IFNAR1: variants seen among roughly 807,000 people sequenced by gnomAD.
The protein encoded by IFNAR1 is interferon alpha and beta receptor subunit 1, also known as interferon alpha/beta receptor 1.
In IFNAR1, 47 loss-of-function variants were observed where a neutral mutation model predicts 62.1. That is an observed-to-expected ratio of 0.76 (90% CI 0.60 to 0.97). The LOEUF (loss-of-function observed/expected upper bound fraction) is 0.97. Among genes scored for constraint, IFNAR1 ranks in the 50% least tolerant of loss-of-function variants. The pLI is 0.00. For missense variants in IFNAR1, 638 were observed against 654.5 expected, an observed-to-expected ratio of 0.97 and a Z score of 0.27; for synonymous variants, 219 against 226.9, an observed-to-expected ratio of 0.97 and a Z score of 0.31.
rs1233724873 is a variant in IFNAR1 at position 33,357,240 on chromosome 21, C to T, written c.*1691C>T. On this transcript the variant is annotated 3_prime_UTR_variant, in exon 11 of 11. Coordinates refer to ENST00000270139, the MANE Select transcript of IFNAR1 (RefSeq NM_000629.3). ...TGCTGGGGAGCGGCCATTTCTAAGG[C>T]CAGTCTGGTTTAAGTAGTCATTTCT... 6.6e-6 allele frequency: 1 copy of T among 152,174 alleles called. No individual in the cohort carries two copies. Among genetic ancestry groups the T allele is most frequent in the Non-Finnish European group, 1.5e-5 (1 of 68,048 alleles). The allele number at this position is 152,174 out of a possible 1,614,324, so 9.4% of individuals were successfully genotyped here.
chr21:33,354,437 A>G (rs2083429346), intron 10 of IFNAR1, among the ~76,000 whole-genome samples: 1 of 152,242 alleles, frequency 6.6e-6, no homozygotes, highest in Non-Finnish European at 1.5e-5. Context: ...TCAGAACGTA[A>G]TTCCATTGTA....
At chr21:33,337,506 A>C (rs1726838727) in intron 2 of IFNAR1, among the ~76,000 whole-genome samples, 1 of 152,302 alleles carries the variant, frequency 6.6e-6, no homozygotes, top group Admixed American at 6.5e-5. Context: ...CGGAACCAGG[A>C]GCCCACCACT....
chr21:33,335,967 C>T (rs1402510253), intron 2 of IFNAR1, among the ~76,000 whole-genome samples: 2 of 145,972 alleles, frequency 1.4e-5, no homozygotes, highest in African/African-American at 2.5e-5. Flanking sequence ...TACATGTGCA[C>T]AATGTGCAGG....
rs59240203 is a variant in IFNAR1 at position 33,333,614 on chromosome 21, A to ATTTTTTTTTTT, written c.77-1909_77-1899dup. 2.4e-4 allele frequency among the ~76,000 whole-genome samples: 26 copies of ATTTTTTTTTTT among 106,990 alleles called. 2 individuals are homozygous for ATTTTTTTTTTT. Among genetic ancestry groups the ATTTTTTTTTTT allele is most frequent in the South Asian group, 6.7e-4 (2 of 2,980 alleles). The allele number at this position is 106,990 out of a possible 152,430, so 70.2% of individuals were successfully genotyped here. Reference sequence around the variant, plus strand: ...CCATACTTAAAGAGACTGGCGGAATATTTTTTTTTTTCTTTTTTTTTTTTT... The same window carrying ATTTTTTTTTTT: ...CCATACTTAAAGAGACTGGCGGAATATTTTTTTTTTTTTTTTTTTTTTCTTTTTTTTTTTTT... On this transcript the variant is annotated intron_variant, in intron 1 of 10. Transcript: ENST00000270139.
intron 1 of IFNAR1, 148 bp downstream of exon 1, chr21:33,325,279 T>C: frequency 1.4e-6 from 1 of 704,026 alleles, no homozygotes. Flanking sequence ...AAACCCGACC[T>C]GGGCTCGCAA....
At chr21:33,334,669 G>A (rs190982091) in intron 1 of IFNAR1, 72 of 805,344 alleles carry the variant, frequency 8.9e-5, no homozygotes, top group South Asian at 2.0e-4. Flanking sequence ...GACCCAGCCA[G>A]TGGGGCTATT....
At chr21:33,331,190 C>T (rs779695893) in intron 1 of IFNAR1, among the ~76,000 whole-genome samples, 5 of 152,216 alleles carry the variant, frequency 3.3e-5, no homozygotes, top group Non-Finnish European at 5.9e-5. Context: ...TACCCCACTG[C>T]CCTTGGGCTA....
rs2083378462 is a variant in IFNAR1, at chr21:33,349,264, A to C, written c.962A>C (p.Glu321Ala). 1 of 1,607,808 alleles carries C rather than the reference A, an allele frequency of 6.2e-7. No individual in the cohort carries two copies. The highest frequency in any genetic ancestry group is 1.1e-5 in the South Asian group (1 of 90,010). The stretch of plus-strand genomic sequence containing the variant: ...AATAACACATCTTTTTGGTCTGAAG[A>C]GATAAAGTTTGATACTGAAATACAA... ...DGNNTSFWSE[E>A]IKFDTEIQAF... is the part of the protein sequence containing the mutation. Residue 321 changes from glutamate (E) to alanine (A), a missense_variant, in exon 7 of 11, where the codon GAG (glutamate) becomes GCG (alanine). Coordinates refer to ENST00000270139, the MANE Select transcript of IFNAR1 (RefSeq NM_000629.3).
intron 1 of IFNAR1, among the ~76,000 whole-genome samples, chr21:33,333,125 A>T (rs1191741537): frequency 6.6e-6 from 1 of 152,250 alleles, no homozygotes; most frequent in Non-Finnish European, 1.5e-5. Flanking sequence ...ATCAAGTCAC[A>T]TTTAAGAAAA....
intron 1 of IFNAR1, among the ~76,000 whole-genome samples, chr21:33,333,313 C>T (rs2083198720): frequency 6.6e-6 from 1 of 152,152 alleles, no homozygotes; most frequent in Non-Finnish European, 1.5e-5. Flanking sequence ...ACTGCTAGAC[C>T]AGCCTTATGA....
chr21:33,346,646 A>G (rs1336582108), intron 6 of IFNAR1, among the ~76,000 whole-genome samples: 4 of 152,260 alleles, frequency 2.6e-5, no homozygotes, highest in Non-Finnish European at 5.9e-5. Flanking sequence ...GGAAAGAGTC[A>G]GCAGAATCAA....
Position 33,341,163 on chromosome 21 carries a change from C to T in IFNAR1, c.365C>T (p.Pro122Leu). ...TGGTATGAGGTTGACTCATTTACAC[C>T]ATTTCGCAAAGGTAAGAAAAAGTTG... ...SSWYEVDSFT[P>L]FRKAQIGPPE... Residue 122 changes from proline to leucine, a missense_variant, in exon 3 of 11, where the codon CCA becomes CTA. Physicochemically the swap from Pro to Leu is moderately conservative, Grantham distance 98. Transcript: ENST00000270139. 1 of 1,606,650 alleles carries T rather than the reference C, an allele frequency of 6.2e-7. No homozygotes were observed. Among genetic ancestry groups the T allele is most frequent in the Non-Finnish European group, 8.5e-7 (1 of 1,176,584 alleles).
chr21:33,340,706 C>G (rs1344391783), intron 2 of IFNAR1, among the ~76,000 whole-genome samples: 2 of 152,080 alleles, frequency 1.3e-5, no homozygotes, highest in Non-Finnish European at 2.9e-5. Context: ...TATTTCTCTG[C>G]TTCCTGAAGC....
intron 1 of IFNAR1, among the ~76,000 whole-genome samples, chr21:33,325,988 T>TG (rs566545912): frequency 6.6e-6 from 1 of 152,154 alleles, no homozygotes; most frequent in Non-Finnish European, 1.5e-5. Flanking sequence ...TTCACATTGT[T>TG]GGGGGGCTTA....
intron 1 of IFNAR1, among the ~76,000 whole-genome samples, chr21:33,325,544 C>T (rs2083118978): frequency 6.6e-6 from 1 of 152,144 alleles, no homozygotes; most frequent in African/African-American, 2.4e-5. Flanking sequence ...TAAGTGTGGC[C>T]AGGATTTCTC....
At chr21:33,335,235 C>T in intron 1 of IFNAR1, 2 of 438,526 alleles carry the variant, frequency 4.6e-6, no homozygotes, top group South Asian at 7.9e-5. Flanking sequence ...ACTTCTAAGA[C>T]CAAGAAAAAT....
rs560220324 is a variant in IFNAR1 at position 33,326,497 on chromosome 21, G to A, written c.76+1366G>A. 2.2e-4 allele frequency among the ~76,000 whole-genome samples: 34 copies of A among 152,230 alleles called. No individual in the cohort carries two copies. The South Asian group carries it at 5.8e-3, about 26-fold the overall frequency. On this transcript the variant is annotated intron_variant, in intron 1 of 10. Coordinates refer to ENST00000270139, the MANE Select transcript of IFNAR1 (RefSeq NM_000629.3). ...ATTACAGGTGTGAGCCACCACGCCC[G>A]ATCTATTTATGTTTTAGACTTTAGT... is the stretch of plus-strand genomic sequence containing the variant.
chr21:33,355,239 A>G (rs1782428767), intron 10 of IFNAR1, 77 bp from the exon 11 acceptor site: 1 of 735,808 alleles, frequency 1.4e-6, no homozygotes, highest in Non-Finnish European at 2.2e-6. Context: ...GTAAGAAACT[A>G]AAGCTATTAC....
intron 1 of IFNAR1, among the ~76,000 whole-genome samples, chr21:33,327,994 G>C (rs1398915561): frequency 6.6e-6 from 1 of 152,214 alleles, no homozygotes; most frequent in Non-Finnish European, 1.5e-5. Context: ...TTATCATGCA[G>C]ATCAAGCTTG....
Sources: gnomAD v4.1 joint callset for allele counts (sites outside exome capture counted in the v4.1 genomes callset) on GRCh38, gnomAD v4.1.1 for gene constraint, MANE v1.5 for transcripts, NCBI Gene and HGNC (gene_info 2026-07-23, HGNC 2026-07-21) for gene names.